HDHD5: variants seen among roughly 807,000 people sequenced by gnomAD.
The protein encoded by HDHD5 is haloacid dehalogenase-like hydrolase domain-containing 5.
HDHD5 carries 34 observed loss-of-function variants against 35.5 expected under a neutral mutation model. The observed-to-expected ratio is 0.96, with a 90% confidence interval of 0.73 to 1.28. The LOEUF is 1.28. HDHD5 is among the 50% of genes most tolerant of loss of function. The pLI is 0.00. For missense variants in HDHD5, 589 were observed against 560.2 expected, an observed-to-expected ratio of 1.05 and a Z score of -0.52; for synonymous variants, 248 against 240.6, an observed-to-expected ratio of 1.03 and a Z score of -0.29.
chr22:17,164,333 A>T (rs2061879979), intron 1 of HDHD5, among the ~76,000 whole-genome samples: 6 of 152,134 alleles, frequency 3.9e-5, no homozygotes, highest in Admixed American at 3.9e-4. Context: ...ACCTGCTAAC[A>T]CCCACACACA....
rs1034859 is a variant in HDHD5 at position 17,149,596 on chromosome 22, C to A, written c.276G>T (p.Gly92=). The change falls in exon 2 of 8, where the codon GGG becomes GGT. Residue 92 remains glycine (G), a synonymous_variant. Coordinates refer to ENST00000336737, the MANE Select transcript of HDHD5 (RefSeq NM_033070.3). ...GGGCTTTGCTGTGTTGTAAGATGTT[C>A]CCAGCATTTGTAACAAAAACCACGG... ...RVPVVFVTNA[G]NILQHSKAQE... 878,484 of 1,612,614 alleles carry A rather than the reference C, an allele frequency of 0.54. 243,475 individuals are homozygous for A. The highest frequency in any genetic ancestry group is 0.71 in the East Asian group (31,873 of 44,840).
At chr22:17,144,955 G>A (rs1365037321) in intron 4 of HDHD5, 69 bp downstream of exon 4, 46 of 1,573,358 alleles carry the variant, frequency 2.9e-5, no homozygotes, top group South Asian at 1.4e-4. Context: ...CAAGGTCAGC[G>A]ACACAGCCAA....
intron 5 of HDHD5, 67 bp from the exon 6 acceptor site, chr22:17,141,300 C>T: frequency 6.6e-7 from 1 of 1,520,126 alleles, no homozygotes; most frequent in Non-Finnish European, 8.7e-7. Flanking sequence ...CTCAGGATGC[C>T]AGCTAGGGCT....
At chr22:17,159,539 C>T (rs753160847), upstream of HDHD5, 2 of 454,690 alleles carry the variant, frequency 4.4e-6, no homozygotes, top group East Asian at 1.5e-4. Context: ...TCGCCCTGTG[C>T]CTGCGGATCC....
chr22:17,160,115 T>C (rs1395802110), upstream of HDHD5, among the ~76,000 whole-genome samples: 1 of 152,202 alleles, frequency 6.6e-6, no homozygotes, highest in Non-Finnish European at 1.5e-5. Flanking sequence ...TCAGATTCTT[T>C]GGCCCATTCA....
At position 17,158,956 on chromosome 22, in the gene HDHD5, G is replaced by A. The variant is rs1212819908; in HGVS notation, c.126+170C>T. On this transcript the variant is annotated intron_variant, in intron 1 of 7. Transcript: ENST00000336737. ...GCCGCCAGCGAGTCAGAGGAAGGCA[G>A]GGCGCATCCGCCCTCCAGCAAGAAC... 7 of 541,716 alleles carry A rather than the reference G, an allele frequency of 1.3e-5. No individual in the cohort carries two copies. The East Asian group carries it at 2.7e-4, about 21-fold the overall frequency. The allele number at this position is 541,716 out of a possible 1,614,324, so 33.6% of individuals were successfully genotyped here.
chr22:17,153,317 C>T (rs1257775350), intron 1 of HDHD5, among the ~76,000 whole-genome samples: 2 of 152,208 alleles, frequency 1.3e-5, no homozygotes, highest in African/African-American at 4.8e-5. Flanking sequence ...TCAAAAAGAA[C>T]TCAGCAAGGG....
At chr22:17,157,973 G>A (rs1025013003) in intron 1 of HDHD5, among the ~76,000 whole-genome samples, 47 of 152,168 alleles carry the variant, frequency 3.1e-4, no homozygotes, top group African/African-American at 9.9e-4. Flanking sequence ...ACGAATAACT[G>A]TGAAGTACTT....
intron 1 of HDHD5, among the ~76,000 whole-genome samples, chr22:17,157,516 C>T (rs769171703): frequency 5.3e-5 from 8 of 152,246 alleles, no homozygotes; most frequent in Admixed American, 3.9e-4. Context: ...AAAGCTCGTG[C>T]TCAAACTCTG....
intron 4 of HDHD5, chr22:17,143,460 C>T (rs577817549): frequency 6.9e-5 from 17 of 246,550 alleles, no homozygotes; most frequent in East Asian, 6.7e-4. Flanking sequence ...AAGGTGAGGC[C>T]GTGGAGACGA....
intron 1 of HDHD5, among the ~76,000 whole-genome samples, chr22:17,158,102 T>C (rs183445732): frequency 1.3e-5 from 2 of 152,236 alleles, no homozygotes; most frequent in East Asian, 3.9e-4. Flanking sequence ...GTGAGGATCA[T>C]CTGAGGTCAA....
exon 1 of HDHD5, chr22:17,165,279 G>A (rs972601763): frequency 1.2e-5 from 9 of 767,438 alleles, no homozygotes; most frequent in Non-Finnish European, 2.0e-5. Flanking sequence ...GAGCCAGCTG[G>A]TCCACCAGAA....
intron 6 of HDHD5, 108 bp downstream of exon 6, chr22:17,140,951 G>T: frequency 9.7e-7 from 1 of 1,025,728 alleles, no homozygotes; most frequent in Non-Finnish European, 1.4e-6. Flanking sequence ...ACCTAAGTGA[G>T]GTCCCGGCAC....
intron 3 of HDHD5, 40 bp from the exon 4 acceptor site, chr22:17,145,157 G>A: frequency 6.2e-7 from 1 of 1,612,190 alleles, no homozygotes; most frequent in Non-Finnish European, 8.5e-7. Context: ...CAGTTCTTGG[G>A]GAAGATGCCT....
chr22:17,163,828 T>C (rs2123888076), upstream of HDHD5, among the ~76,000 whole-genome samples: 2 of 152,330 alleles, frequency 1.3e-5, no homozygotes, highest in African/African-American at 4.8e-5. Context: ...CTCGATGCCC[T>C]GGACTCTAAG....
chr22:17,139,280 C>A (rs2061572250), intron 6 of HDHD5, among the ~76,000 whole-genome samples: 1 of 152,174 alleles, frequency 6.6e-6, no homozygotes, highest in South Asian at 2.1e-4. Flanking sequence ...GTAATCTTAG[C>A]ACTTTGGGAG....
intron 1 of HDHD5, 35 bp from the exon 2 acceptor site, chr22:17,149,780 G>C: frequency 1.9e-6 from 3 of 1,588,874 alleles, no homozygotes; most frequent in African/African-American, 2.7e-5. Flanking sequence ...CAGTACGTGA[G>C]TAACAAAGAA....
chr22:17,152,852 G>C (rs899138665), intron 1 of HDHD5, among the ~76,000 whole-genome samples: 1 of 152,048 alleles, frequency 6.6e-6, no homozygotes, highest in Non-Finnish European at 1.5e-5. Flanking sequence ...AAGACCCCCG[G>C]GAGAGGCAAT....
At chr22:17,161,161 G>T (rs543746237), upstream of HDHD5, among the ~76,000 whole-genome samples, 1 of 145,792 alleles carries the variant, frequency 6.9e-6, no homozygotes, top group African/African-American at 2.6e-5. Context: ...CAGGAGAATC[G>T]CTTGAACCTG....
Sources: gnomAD v4.1 joint callset for allele counts (sites outside exome capture counted in the v4.1 genomes callset) on GRCh38, gnomAD v4.1.1 for gene constraint, MANE v1.5 for transcripts, NCBI Gene and HGNC (gene_info 2026-07-23, HGNC 2026-07-21) for gene names.